PITRM1: variants seen among roughly 807,000 people sequenced by gnomAD.
PITRM1 encodes the protein pitrilysin metallopeptidase 1.
PITRM1 carries 100 observed loss-of-function variants against 129.9 expected under a neutral mutation model. The ratio of observed to expected loss-of-function variants is 0.77; its 90% confidence interval spans 0.65 to 0.91. PITRM1 has a LOEUF of 0.91. Among genes scored for constraint, PITRM1 ranks in the 40% least tolerant of loss-of-function variants. The probability of loss-of-function intolerance (pLI) is 0.00; values close to 1 mark genes in which losing one functional copy is unlikely to be tolerated. For missense variants in PITRM1, 1,471 were observed against 1,318.3 expected (o/e 1.12, Z -1.79); for synonymous variants, 591 against 508.8 (o/e 1.16, Z -2.17).
rs2131826584 is a variant in PITRM1, at chr10:3,143,517, T to G, written c.2533-16A>C. 2 of 1,559,212 alleles carry G rather than the reference T, an allele frequency of 1.3e-6. No individual in the cohort carries two copies. The highest frequency in any genetic ancestry group is 4.5e-5 in the East Asian group (2 of 44,604). ...AGGTGGGTTCCTGAGGGACACGGTA[T>G]GGTCAGAGGCGGCTGTGCTGCCATG... On this transcript the variant is annotated splice_polypyrimidine_tract_variant and intron_variant, in intron 22 of 26. Transcript: ENST00000224949.
chr10:3,149,740 AGG>A lies in PITRM1; in HGVS notation c.1750_1751del (p.Pro584CysfsTer47). 3.1e-6 allele frequency: 5 copies of A among 1,613,822 alleles called. No individual in the cohort carries two copies. Among genetic ancestry groups the A allele is most frequent in the Non-Finnish European group, 4.2e-6 (5 of 1,179,824 alleles). ...TGGTGGGCTGGGCGCAGTACTGAAC[AGG>A]GATATCTCCAGCTAGAAAAACAAAA... Reference protein sequence around the residue: ...LDVVLTAGDIPVQYCAQPTNG... With the variant: ...LDVVLTAGDIXVQYCAQPTNG... On this transcript the variant is annotated frameshift_variant, in exon 16 of 27. Coordinates refer to ENST00000224949, the MANE Select transcript of PITRM1 (RefSeq NM_014889.4). LOFTEE classifies it high-confidence loss of function.
intron 16 of PITRM1, chr10:3,148,746 G>A (rs1258950138): frequency 6.4e-6 from 1 of 156,714 alleles, no homozygotes; most frequent in African/African-American, 2.4e-5. Context: ...AAGAAAAGCA[G>A]TTTCCTCTCA....
chr10:3,143,952 C>T (rs1264247784), intron 22 of PITRM1: 3 of 519,218 alleles, frequency 5.8e-6, no homozygotes, highest in African/African-American at 5.7e-5. Flanking sequence ...GCTCCACTGG[C>T]ATCGACTCAG....
chr10:3,145,986 A>G, intron 20 of PITRM1: 1 of 426,518 alleles, frequency 2.3e-6, no homozygotes, highest in East Asian at 4.8e-5. Flanking sequence ...TCTGAAGAGC[A>G]AAGAAAATAC....
At position 3,151,167 on chromosome 10, in the gene PITRM1, C is replaced by T. The variant is rs1031777017; in HGVS notation, c.1738+80G>A. On this transcript the variant is annotated intron_variant, in intron 15 of 26. Transcript: ENST00000224949. ...TTCAGGGAAAACCTCCAAGACATGA[C>T]TCTACTGCTTCTGTGAGGAGTGACA... is the stretch of plus-strand genomic sequence containing the variant. 6 of 788,748 alleles carry T rather than the reference C, an allele frequency of 7.6e-6. No homozygotes were observed. In the Admixed American group the frequency reaches 8.0e-5, roughly 11 times the overall value. The allele number at this position is 788,748 out of a possible 1,614,324, so 48.9% of individuals were successfully genotyped here.
At position 3,148,180 on chromosome 10, in the gene PITRM1, G is replaced by A. The variant is rs369950780; in HGVS notation, c.1983C>T (p.Thr661=). ...GACGGTACCAGGCTACCTGCTCGTA[G>A]GTGTCCATGTGTGAGTCGTCGGGGA... is the stretch of plus-strand genomic sequence containing the variant. ...HVLPDDSHMD[T]YEQGVLFSSL... is the part of the protein sequence containing the mutation. The change falls in exon 17 of 27, where the codon ACC becomes ACT. Residue 661 remains threonine (T), a synonymous_variant. Transcript: ENST00000224949. 13 of 1,613,850 alleles carry A rather than the reference G, an allele frequency of 8.1e-6. No individual in the cohort carries two copies. The highest frequency in any genetic ancestry group is 1.6e-4 in the Middle Eastern group (1 of 6,082).
At position 3,151,290 on chromosome 10, in the gene PITRM1, A is replaced by C. The variant is rs1841491587; in HGVS notation, c.1695T>G (p.Ile565Met). 1.2e-6 allele frequency: 2 copies of C among 1,610,280 alleles called. No homozygotes were observed. Among genetic ancestry groups the C allele is most frequent in the African/African-American group, 1.3e-5 (1 of 75,002 alleles). The change falls in exon 15 of 27, where the codon ATT becomes ATG. Residue 565 changes from isoleucine to methionine, a missense_variant. Coordinates refer to ENST00000224949, the MANE Select transcript of PITRM1 (RefSeq NM_014889.4). ...ACTCTGTGACAGGTATGGTGGGTTC[A>C]ATATCGGAAACTTTCAACGCTGGCA... is the stretch of plus-strand genomic sequence containing the variant. The part of the protein sequence containing the change: ...SCLPALKVSD[I>M]EPTIPVTELD...
At chr10:3,161,921 T>C (rs1842474177) in intron 7 of PITRM1, among the ~76,000 whole-genome samples, 3 of 150,728 alleles carry the variant, frequency 2.0e-5, no homozygotes, top group East Asian at 1.9e-4. Flanking sequence ...ACACCTGTAA[T>C]CCCAGCACTT....
In PITRM1 at chr10:3,140,589, TA is replaced by T. The variant is rs1450048606; in HGVS notation, c.2771+97del. 2.0e-5 allele frequency: 23 copies of T among 1,172,482 alleles called. No homozygotes were observed. The East Asian group carries it at 5.7e-4, about 29-fold the overall frequency. The allele number at this position is 1,172,482 out of a possible 1,614,324, so 72.6% of individuals were successfully genotyped here. The stretch of plus-strand genomic sequence containing the variant: ...AGAAGCACACAGAACAACTTTTGTC[TA>T]AAATTCACTGCAGTAGAAGAAAATG... On this transcript the variant is annotated intron_variant, in intron 24 of 26. Coordinates refer to ENST00000224949, the MANE Select transcript of PITRM1 (RefSeq NM_014889.4).
rs531351072 is a variant in PITRM1 at position 3,138,941 on chromosome 10, G to A, written c.2880C>T (p.Phe960=). ...QDIDEAKLSV[F]STVDAPVAPS... is the part of the protein sequence containing the mutation. ...GAGCGACAGGAGCATCTACGGTTGAGAAGACAGAAAGTTTGGCTTCGTCGA... is the reference window on the plus strand; with the variant it reads ...GAGCGACAGGAGCATCTACGGTTGAAAAGACAGAAAGTTTGGCTTCGTCGA... Residue 960 remains phenylalanine, a synonymous_variant, in exon 25 of 27, where the codon TTC becomes TTT. Coordinates refer to ENST00000224949, the MANE Select transcript of PITRM1 (RefSeq NM_014889.4). The A allele has an allele frequency of 2.5e-6, 4 of 1,613,968 alleles. No homozygotes were observed. Among genetic ancestry groups the A allele is most frequent in the African/African-American group, 2.7e-5 (2 of 75,054 alleles).
chr10:3,163,094 G>A (rs976636071), intron 7 of PITRM1: 1 of 152,154 alleles, frequency 6.6e-6, no homozygotes, highest in Admixed American at 6.5e-5. Context: ...TCTATTACAT[G>A]ATAAGTGTTT....
intron 22 of PITRM1, 148 bp from the exon 23 acceptor site, chr10:3,143,649 C>A: frequency 1.4e-6 from 1 of 716,856 alleles, no homozygotes; most frequent in Non-Finnish European, 2.6e-6. Context: ...GGTCCCATCT[C>A]CGTGACACTC....
intron 1 of PITRM1, among the ~76,000 whole-genome samples, chr10:3,171,409 C>T (rs1588738484): frequency 6.6e-6 from 1 of 150,418 alleles, no homozygotes; most frequent in Non-Finnish European, 1.5e-5. Flanking sequence ...GAGAGAGTTA[C>T]GAGCAGTTAG....
chr10:3,165,853 C>CTT (rs1564433539), intron 4 of PITRM1, among the ~76,000 whole-genome samples: 1 of 152,190 alleles, frequency 6.6e-6, no homozygotes, highest in Non-Finnish European at 1.5e-5. Flanking sequence ...GGATTTAACC[C>CTT]GCTCTTCAAT....
rs1210618380 is a variant in PITRM1, at chr10:3,138,137, C to T, written c.3021-13G>A. ...AGTGCCGAGGTATCTGAGAGGAAGG[C>T]AGGCGTGGTCAGCAAGGACTGGCTT... On this transcript the variant is annotated splice_polypyrimidine_tract_variant and intron_variant, in intron 26 of 26. Coordinates refer to ENST00000224949, the MANE Select transcript of PITRM1 (RefSeq NM_014889.4). 3 of 1,596,626 alleles carry T rather than the reference C, an allele frequency of 1.9e-6. No individual in the cohort carries two copies. Among genetic ancestry groups the T allele is most frequent in the East Asian group, 4.5e-5 (2 of 44,636 alleles).
At chr10:3,159,456 A>C (rs1207496039) in intron 9 of PITRM1, among the ~76,000 whole-genome samples, 6 of 152,198 alleles carry the variant, frequency 3.9e-5, no homozygotes, top group Admixed American at 3.9e-4. Context: ...TAGTCTCGTG[A>C]AACCACCGGA....
intron 19 of PITRM1, 49 bp from the exon 20 acceptor site, chr10:3,147,299 C>T: frequency 7.4e-7 from 1 of 1,347,490 alleles, no homozygotes. Flanking sequence ...TACAACAGAC[C>T]CGCTGAGTCT....
intron 19 of PITRM1, 134 bp from the exon 20 acceptor site, chr10:3,147,384 T>C: frequency 2.1e-6 from 2 of 941,986 alleles, no homozygotes; most frequent in Admixed American, 2.0e-5. Context: ...TGGGCAGGGC[T>C]GGAACTGGGA....
chr10:3,165,632 C>T, intron 4 of PITRM1, 105 bp from the exon 5 acceptor site: 2 of 729,228 alleles, frequency 2.7e-6, no homozygotes, highest in Non-Finnish European at 4.6e-6. Context: ...TAAGCTGTAG[C>T]TATTCTTGGG....
Sources: allele counts gnomAD v4.1 joint callset (sites outside exome capture counted in the v4.1 genomes callset), GRCh38; gene constraint gnomAD v4.1.1; transcripts MANE v1.5; gene names NCBI Gene and HGNC (gene_info 2026-07-23, HGNC 2026-07-21).